The following CUEDC1 variants were observed in gnomAD, a reference collection of about 807,000 sequenced individuals.
The protein encoded by CUEDC1 is CUE domain containing 1.
Under a neutral mutation model 43.7 loss-of-function variants are expected in CUEDC1, and 30 were observed. That is an observed-to-expected ratio of 0.69 (90% CI 0.51 to 0.93). The LOEUF (loss-of-function observed/expected upper bound fraction) is 0.93, where lower values mean the gene tolerates loss of function less well. Ranked by LOEUF, CUEDC1 falls within the 40% of genes least tolerant of loss-of-function variation. The pLI, the probability that CUEDC1 is intolerant of heterozygous loss-of-function variation, is 0.00. For synonymous variants in CUEDC1, 223 were observed against 223.6 expected (o/e 1.00, Z 0.02); for missense variants, 486 against 549.0 (o/e 0.89, Z 1.15).
chr17:57,914,510 C>T, intron 1 of CUEDC1, among the ~76,000 whole-genome samples: 1 of 152,150 alleles, frequency 6.6e-6, no homozygotes. Flanking sequence ...GGCAGGAGGT[C>T]TCTCTCAATG....
chr17:57,896,575 T>G (rs2074412834), intron 1 of CUEDC1, among the ~76,000 whole-genome samples: 2 of 151,288 alleles, frequency 1.3e-5, no homozygotes, highest in South Asian at 4.2e-4. Flanking sequence ...ATGTTTCCCC[T>G]GGGGAGAACT....
chr17:57,872,149 G>A (rs1350298345), intron 5 of CUEDC1, among the ~76,000 whole-genome samples: 1 of 152,210 alleles, frequency 6.6e-6, no homozygotes, highest in Non-Finnish European at 1.5e-5. Context: ...CACCCTGCAG[G>A]GGAAAGGCAG....
intron 2 of CUEDC1, 68 bp downstream of exon 2, chr17:57,885,161 C>A: frequency 1.3e-6 from 2 of 1,484,792 alleles, no homozygotes; most frequent in South Asian, 1.4e-5. Flanking sequence ...TTACCCGGGC[C>A]GTGCCCCTAC....
intron 1 of CUEDC1, among the ~76,000 whole-genome samples, chr17:57,945,476 A>G (rs1463037093): frequency 6.6e-6 from 1 of 152,238 alleles, no homozygotes; most frequent in Admixed American, 6.5e-5. Context: ...AGACATCCGC[A>G]TAAACATTTT....
chr17:57,876,419 T>C (rs1223480884), intron 3 of CUEDC1, among the ~76,000 whole-genome samples: 1 of 152,174 alleles, frequency 6.6e-6, no homozygotes, highest in Admixed American at 6.5e-5. Context: ...AGCCTGGACA[T>C]CAGTTTCTCC....
chr17:57,888,519 G>A (rs2074321691), intron 1 of CUEDC1, among the ~76,000 whole-genome samples: 1 of 152,230 alleles, frequency 6.6e-6, no homozygotes, highest in Non-Finnish European at 1.5e-5. Context: ...GAGTTTTGCT[G>A]TGAGAAGGAA....
At chr17:57,866,702 G>C in intron 9 of CUEDC1, 158 bp from the exon 10 acceptor site, 1 of 649,280 alleles carries the variant, frequency 1.5e-6, no homozygotes. Flanking sequence ...GGTCCAGGGA[G>C]AGAGGCAGCA....
intron 1 of CUEDC1, among the ~76,000 whole-genome samples, chr17:57,939,984 G>A (rs940421958): frequency 6.6e-6 from 1 of 151,824 alleles, no homozygotes; most frequent in Admixed American, 6.6e-5. Flanking sequence ...CCTCCTTTGA[G>A]TCTTCAATTC....
chr17:57,889,703 G>A (rs2074335477), intron 1 of CUEDC1, among the ~76,000 whole-genome samples: 1 of 152,196 alleles, frequency 6.6e-6, no homozygotes, highest in Non-Finnish European at 1.5e-5. Flanking sequence ...AACAGTAATG[G>A]GAAACACAAG....
chr17:57,884,326 T>A (rs1320202220), intron 2 of CUEDC1, among the ~76,000 whole-genome samples: 1 of 150,086 alleles, frequency 6.7e-6, no homozygotes, highest in Non-Finnish European at 1.5e-5. Context: ...GCCTCCCGAG[T>A]AGCTGGGACT....
At chr17:57,940,085 T>C (rs1248735192) in intron 1 of CUEDC1, among the ~76,000 whole-genome samples, 1 of 152,080 alleles carries the variant, frequency 6.6e-6, no homozygotes, top group Non-Finnish European at 1.5e-5. Context: ...CTATCCTCCC[T>C]GTACAGATGA....
intron 1 of CUEDC1, among the ~76,000 whole-genome samples, chr17:57,912,656 G>A (rs2074596250): frequency 2.0e-5 from 3 of 152,088 alleles, no homozygotes; most frequent in Admixed American, 2.0e-4. Flanking sequence ...ACACCGTTTG[G>A]AAGAATAAAG....
chr17:57,943,704 T>C (rs1021757429), intron 1 of CUEDC1, among the ~76,000 whole-genome samples: 1 of 151,992 alleles, frequency 6.6e-6, no homozygotes, highest in African/African-American at 2.4e-5. Flanking sequence ...TCAAAGCAGA[T>C]AGTAAAAATC....
chr17:57,925,175 G>A (rs1018401920), intron 1 of CUEDC1, among the ~76,000 whole-genome samples: 34 of 150,814 alleles, frequency 2.3e-4, no homozygotes, highest in African/African-American at 7.8e-4. Context: ...CCGTAGTACT[G>A]AAATTATCAG....
chr17:57,864,374 T>G (rs1410411399), intron 10 of CUEDC1, among the ~76,000 whole-genome samples: 2 of 151,370 alleles, frequency 1.3e-5, no homozygotes, highest in Admixed American at 1.3e-4. Flanking sequence ...ACTGCCAGAG[T>G]GGGCAGTGAG....
intron 1 of CUEDC1, among the ~76,000 whole-genome samples, chr17:57,902,360 G>A (rs143675144): frequency 6.6e-6 from 1 of 152,324 alleles, no homozygotes; most frequent in Non-Finnish European, 1.5e-5. Flanking sequence ...TTCAGGTAGT[G>A]CTTGAACACT....
chr17:57,879,481 T>G (rs767485776), intron 3 of CUEDC1, 130 bp downstream of exon 3: 1 of 1,240,208 alleles, frequency 8.1e-7, no homozygotes, highest in African/African-American at 1.6e-5. Flanking sequence ...AAATGTCTCT[T>G]GCTGCAGTAG....
intron 1 of CUEDC1, among the ~76,000 whole-genome samples, chr17:57,896,487 G>GGGGGGGTGTGTGTGT (rs375270781): frequency 7.7e-6 from 1 of 130,282 alleles, no homozygotes; most frequent in Non-Finnish European, 1.6e-5. Context: ...TGCATTATGG[G>GGGGGGGTGTGTGTGT]GTGTGTGTGT....
chr17:57,890,981 C>T (rs950475061), intron 1 of CUEDC1, among the ~76,000 whole-genome samples: 1 of 152,182 alleles, frequency 6.6e-6, no homozygotes, highest in African/African-American at 2.4e-5. Flanking sequence ...GGGTACCTGG[C>T]GTATAATAAG....
Sources: allele counts gnomAD v4.1 joint callset (sites outside exome capture counted in the v4.1 genomes callset), GRCh38; gene constraint gnomAD v4.1.1; transcripts MANE v1.5; gene names NCBI Gene and HGNC (gene_info 2026-07-23, HGNC 2026-07-21).